The following NSL1 variants were observed in gnomAD, a reference collection of about 807,000 sequenced individuals.
NSL1 encodes NSL1 component of MIS12 kinetochore complex, also known as kinetochore-associated protein NSL1 homolog.
NSL1 carries 11 observed loss-of-function variants against 25.4 expected under a neutral mutation model. That is an observed-to-expected ratio of 0.43 (90% confidence interval 0.27 to 0.72). NSL1 has a LOEUF of 0.72. NSL1 is among the 30% of genes least tolerant of loss of function. NSL1 has a pLI of 0.19. For synonymous variants in NSL1, 118 were observed against 120.6 expected, an observed-to-expected ratio of 0.98 and a Z score of 0.14; for missense variants, 330 against 342.7, an observed-to-expected ratio of 0.96 and a Z score of 0.29.
At position 212,737,695 on chromosome 1, in the gene NSL1, A is replaced by G; in HGVS notation, c.*713T>C. 1 of 972,338 alleles carries G rather than the reference A, an allele frequency of 1.0e-6. No individual in the cohort carries two copies. Among genetic ancestry groups the G allele is most frequent in the Non-Finnish European group, 1.2e-6 (1 of 818,010 alleles). 60.2% of individuals were successfully genotyped at this position (972,338 alleles called of 1,614,324 possible). A position where few individuals can be genotyped will look rare whatever the true frequency, so the allele number is the denominator to read the frequency against. The stretch of plus-strand genomic sequence containing the variant: ...AAATAAGAAACCCTAAAAAGAAACC[A>G]TTAGTTCCAAGTCAAATTATGTTAA... On this transcript the variant is annotated 3_prime_UTR_variant, in exon 6 of 6. Coordinates refer to ENST00000366977, the MANE Select transcript of NSL1 (RefSeq NM_015471.4).
In NSL1 at chr1:212,731,073, T is replaced by C; in HGVS notation, c.*7335A>G. 5.1e-6 allele frequency: 5 copies of C among 985,110 alleles called. No homozygotes were observed. Among genetic ancestry groups the C allele is most frequent in the Non-Finnish European group, 6.0e-6 (5 of 829,760 alleles). 61.0% of individuals were successfully genotyped at this position (985,110 alleles called of 1,614,324 possible). ...TGAATATAACATTAATTTTCTCAAATCCTTTCATATAAAATCCCCAAGAAC... is the reference window on the plus strand; with the variant it reads ...TGAATATAACATTAATTTTCTCAAACCCTTTCATATAAAATCCCCAAGAAC... On this transcript the variant is annotated 3_prime_UTR_variant, in exon 6 of 6. Transcript: ENST00000366977.
chr1:212,727,939 G>T lies in NSL1; in HGVS notation c.*10469C>A. On this transcript the variant is annotated 3_prime_UTR_variant, in exon 6 of 6. Transcript: ENST00000366977. The stretch of plus-strand genomic sequence containing the variant: ...ACCAACGAGGTCGCTGTGGTGTAGC[G>T]GTGAGAGCGTCTGAGACTCTGGACA... 1.0e-6 allele frequency: 1 copy of T among 985,402 alleles called. No homozygotes were observed. The highest frequency in any genetic ancestry group is 1.2e-6 in the Non-Finnish European group (1 of 829,918). The allele number at this position is 985,402 out of a possible 1,614,324, so 61.0% of individuals were successfully genotyped here. A position where few individuals can be genotyped will look rare whatever the true frequency, so the allele number is the denominator to read the frequency against.
rs1183581017 is a variant in NSL1 at position 212,737,694 on chromosome 1, C to A, written c.*714G>T. ...TAAATAAGAAACCCTAAAAAGAAACCATTAGTTCCAAGTCAAATTATGTTA... is the reference window on the plus strand; with the variant it reads ...TAAATAAGAAACCCTAAAAAGAAACAATTAGTTCCAAGTCAAATTATGTTA... On this transcript the variant is annotated 3_prime_UTR_variant, in exon 6 of 6. Coordinates refer to ENST00000366977, the MANE Select transcript of NSL1 (RefSeq NM_015471.4). 2.1e-6 allele frequency: 2 copies of A among 971,558 alleles called. No homozygotes were observed. Among genetic ancestry groups the A allele is most frequent in the African/African-American group, 3.5e-5 (2 of 56,894 alleles). The allele number at this position is 971,558 out of a possible 1,614,324, so 60.2% of individuals were successfully genotyped here. A position where few individuals can be genotyped will look rare whatever the true frequency, so the allele number is the denominator to read the frequency against.
In NSL1 at chr1:212,733,816, G is replaced by C. The variant is rs949640144; in HGVS notation, c.*4592C>G. 6.6e-6 allele frequency among the ~76,000 whole-genome samples: 1 copy of C among 152,210 alleles called. No homozygotes were observed. Among genetic ancestry groups the C allele is most frequent in the African/African-American group, 2.4e-5 (1 of 41,438 alleles). ...CATGTTTTCAATTCTCTTAGGTTTAGAACGTGGAGTAAAATTGCTGGGCCA... is the reference window on the plus strand; with the variant it reads ...CATGTTTTCAATTCTCTTAGGTTTACAACGTGGAGTAAAATTGCTGGGCCA... On this transcript the variant is annotated 3_prime_UTR_variant, in exon 6 of 6. Coordinates refer to ENST00000366977, the MANE Select transcript of NSL1 (RefSeq NM_015471.4).
intron 2 of NSL1, among the ~76,000 whole-genome samples, chr1:212,785,568 C>A (rs1187731670): frequency 6.6e-6 from 1 of 152,012 alleles, no homozygotes; most frequent in East Asian, 1.9e-4. Flanking sequence ...TCAATTCCCA[C>A]CTATGAGTGA....
At chr1:212,757,478 T>C (rs1019310871) in intron 4 of NSL1, among the ~76,000 whole-genome samples, 4 of 152,220 alleles carry the variant, frequency 2.6e-5, no homozygotes, top group African/African-American at 9.7e-5. Context: ...AGAGGTTTAA[T>C]TGGCTCACAG....
In NSL1 at chr1:212,729,026, A is replaced by AT. The variant is rs929776515; in HGVS notation, c.*9381dup. The AT allele has an allele frequency of 6.1e-6, 6 of 985,174 alleles. No individual in the cohort carries two copies. In the African/African-American group the frequency reaches 8.7e-5, roughly 14 times the overall value. 61.0% of individuals were successfully genotyped at this position (985,174 alleles called of 1,614,324 possible). On this transcript the variant is annotated 3_prime_UTR_variant, in exon 6 of 6. Transcript: ENST00000366977. Reference sequence around the variant, plus strand: ...AGAAGCAGTCATTTGTCAATCTGAAATTTTTTTTAAAGGAAGAATACTTGG... The same window carrying AT: ...AGAAGCAGTCATTTGTCAATCTGAAATTTTTTTTTAAAGGAAGAATACTTGG...
At chr1:212,790,766 C>A (rs1661181440) in intron 1 of NSL1, among the ~76,000 whole-genome samples, 2 of 151,264 alleles carry the variant, frequency 1.3e-5, no homozygotes, top group Admixed American at 6.6e-5. Flanking sequence ...ACTAAAAACA[C>A]AAAAAAATTA....
At position 212,760,943 on chromosome 1, in the gene NSL1, C is replaced by T. The variant is rs1476436780; in HGVS notation, c.500-21342G>A. On this transcript the variant is annotated intron_variant, in intron 4 of 5. Transcript: ENST00000366977. This position sits in a 1 kb window ranked among gnomAD's most constrained non-coding sequence, Gnocchi z 4.3. ...TAAAGACCTATCATACCCTCTAGTA[C>T]CAACCATAGCGTAAGTCACTAAGGA... 6.6e-6 allele frequency among the ~76,000 whole-genome samples: 1 copy of T among 152,228 alleles called. No individual in the cohort carries two copies. The highest frequency in any genetic ancestry group is 1.5e-5 in the Non-Finnish European group (1 of 68,038).
intron 4 of NSL1, among the ~76,000 whole-genome samples, chr1:212,770,242 G>A (rs1660040393): frequency 6.6e-6 from 1 of 152,008 alleles, no homozygotes; most frequent in Non-Finnish European, 1.5e-5. Context: ...AGTAGTCAAG[G>A]ACTTCAACAG....
rs182573901 is a variant in NSL1 at position 212,732,438 on chromosome 1, G to C, written c.*5970C>G. The C allele has an allele frequency of 2.7e-6, 1 of 376,518 alleles. No individual in the cohort carries two copies. Among genetic ancestry groups the C allele is most frequent in the Admixed American group, 6.5e-5 (1 of 15,466 alleles). The allele number at this position is 376,518 out of a possible 1,614,324, so 23.3% of individuals were successfully genotyped here. On this transcript the variant is annotated 3_prime_UTR_variant, in exon 6 of 6. Coordinates refer to ENST00000366977, the MANE Select transcript of NSL1 (RefSeq NM_015471.4). Reference sequence around the variant, plus strand: ...AGCGATTCTCCAGCCTCAGCCTCCTGAGTAGCTGGGATTACAGGCATGCGC... The same window carrying C: ...AGCGATTCTCCAGCCTCAGCCTCCTCAGTAGCTGGGATTACAGGCATGCGC...
chr1:212,736,850 T>C lies in NSL1; in HGVS notation c.*1558A>G. On this transcript the variant is annotated 3_prime_UTR_variant, in exon 6 of 6. Transcript: ENST00000366977. ...AATCTATCATGTCATTTAAAAACTCTATGTAGCACAATATACCTCTCTTAA... is the reference window on the plus strand; with the variant it reads ...AATCTATCATGTCATTTAAAAACTCCATGTAGCACAATATACCTCTCTTAA... The C allele has an allele frequency of 1.0e-6, 1 of 985,426 alleles. No homozygotes were observed. The highest frequency in any genetic ancestry group is 1.2e-6 in the Non-Finnish European group (1 of 829,902). 61.0% of individuals were successfully genotyped at this position (985,426 alleles called of 1,614,324 possible). A position where few individuals can be genotyped will look rare whatever the true frequency, so the allele number is the denominator to read the frequency against.
chr1:212,790,931 A>AT (rs1367056462), intron 1 of NSL1, among the ~76,000 whole-genome samples: 173 of 144,886 alleles, frequency 1.2e-3, no homozygotes, highest in African/African-American at 4.0e-3. Flanking sequence ...TCAAAAAAAA[A>AT]AAATAAAATA....
At chr1:212,740,213 TTC>T (rs1658439177) in intron 4 of NSL1, among the ~76,000 whole-genome samples, 1 of 152,190 alleles carries the variant, frequency 6.6e-6, no homozygotes, top group South Asian at 2.1e-4. Flanking sequence ...AGAAGAGTAG[TTC>T]TCACTAGAAA....
chr1:212,752,116 A>G (rs1452614546), intron 4 of NSL1, among the ~76,000 whole-genome samples: 3 of 152,214 alleles, frequency 2.0e-5, no homozygotes, highest in Non-Finnish European at 4.4e-5. Context: ...TCCTACTTAA[A>G]TGTCATATAG....
intron 3 of NSL1, 119 bp from the exon 4 acceptor site, chr1:212,782,545 T>A: frequency 2.7e-6 from 2 of 752,706 alleles, no homozygotes; most frequent in African/African-American, 1.8e-5. Flanking sequence ...GAAAAAAAAT[T>A]AAATCCTACT....
At position 212,736,402 on chromosome 1, in the gene NSL1, A is replaced by G. The variant is rs11800642; in HGVS notation, c.*2006T>C. ...ATCATAGAGCAAGATTTGATTTTCA[A>G]TTTTTTCCTTCAACCTTTCCAATTC... On this transcript the variant is annotated 3_prime_UTR_variant, in exon 6 of 6. Coordinates refer to ENST00000366977, the MANE Select transcript of NSL1 (RefSeq NM_015471.4). 152,881 of 984,278 alleles carry G rather than the reference A, an allele frequency of 0.16. 12,487 individuals are homozygous for G. The highest frequency in any genetic ancestry group is 0.29 in the African/African-American group (16,410 of 57,218). 61.0% of individuals were successfully genotyped at this position (984,278 alleles called of 1,614,324 possible).
intron 4 of NSL1, among the ~76,000 whole-genome samples, chr1:212,779,266 C>T (rs1284277808): frequency 2.0e-5 from 3 of 149,460 alleles, no homozygotes; most frequent in African/African-American, 2.5e-5. Flanking sequence ...CGGCCAGCCG[C>T]CCCGTCTCGG....
Position 212,727,008 on chromosome 1 carries a change from G to A in NSL1, c.*11400C>T, listed in dbSNP as rs1657817344. 2 of 1,127,662 alleles carry A rather than the reference G, an allele frequency of 1.8e-6. No homozygotes were observed. The highest frequency in any genetic ancestry group is 2.5e-6 in the Non-Finnish European group (2 of 800,874). The allele number at this position is 1,127,662 out of a possible 1,614,324, so 69.9% of individuals were successfully genotyped here. A position where few individuals can be genotyped will look rare whatever the true frequency, so the allele number is the denominator to read the frequency against. On this transcript the variant is annotated 3_prime_UTR_variant, in exon 6 of 6. Transcript: ENST00000366977. ...GCTGTGTCCTCTCAGAGGCCCTCCA[G>A]TCCAGTCTACTCCGGCCTTGGAGAT...
Sources: allele counts gnomAD v4.1 joint callset (sites outside exome capture counted in the v4.1 genomes callset), GRCh38; gene constraint gnomAD v4.1.1; non-coding constraint Gnocchi (gnomAD v3.1); transcripts MANE v1.5; gene names NCBI Gene and HGNC (gene_info 2026-07-23, HGNC 2026-07-21).